The following CHRM3 variants were observed in gnomAD, a reference collection of about 807,000 sequenced individuals.
CHRM3 encodes the protein cholinergic receptor muscarinic 3, also known as muscarinic acetylcholine receptor M3.
CHRM3 carries 11 observed loss-of-function variants against 41.8 expected under a neutral mutation model. The ratio of observed to expected loss-of-function variants is 0.26; its 90% CI spans 0.17 to 0.44. The LOEUF (loss-of-function observed/expected upper bound fraction) is 0.44. CHRM3 is among the 20% of genes least tolerant of loss of function. CHRM3 has a pLI of 1.00. For synonymous variants in CHRM3, 297 were observed against 301.4 expected, an observed-to-expected ratio of 0.99 and a Z score of 0.15; for missense variants, 571 against 745.4, an observed-to-expected ratio of 0.77 and a Z score of 2.72.
chr1:239,796,168 A>G (rs1669749798), intron 5 of CHRM3, among the ~76,000 whole-genome samples: 1 of 152,168 alleles, frequency 6.6e-6, no homozygotes, highest in Non-Finnish European at 1.5e-5. Context: ...TTCCTAGAAG[A>G]GCATCCAAGG....
At chr1:239,782,230 T>A (rs1183537464) in intron 5 of CHRM3, among the ~76,000 whole-genome samples, 4 of 83,500 alleles carry the variant, frequency 4.8e-5, no homozygotes, top group Non-Finnish European at 1.0e-4. Flanking sequence ...AGTGAACCCA[T>A]CTGGGACTAG....
In CHRM3 at chr1:239,639,352, G is replaced by A. The variant is rs544712973; in HGVS notation, c.-250+7066G>A. 2.5e-3 allele frequency among the ~76,000 whole-genome samples: 384 copies of A among 152,280 alleles called. 1 individual carries two copies. The highest frequency in any genetic ancestry group is 8.8e-3 in the African/African-American group (367 of 41,554). On this transcript the variant is annotated intron_variant, in intron 4 of 6. Coordinates refer to ENST00000676153, the MANE Select transcript of CHRM3 (RefSeq NM_001375978.1). Reference sequence around the variant, plus strand: ...GGCATTGAATCTATAAATTACCTTGGACAGTATGGCCATTTTTACGATATT... The same window carrying A: ...GGCATTGAATCTATAAATTACCTTGAACAGTATGGCCATTTTTACGATATT...
At chr1:239,676,658 A>G (rs945629405) in intron 4 of CHRM3, among the ~76,000 whole-genome samples, 8 of 151,998 alleles carry the variant, frequency 5.3e-5, no homozygotes, top group Non-Finnish European at 1.2e-4. Flanking sequence ...TTTAGCCACT[A>G]CTCCAAGGCT....
At chr1:239,713,554 T>C (rs1455666064) in intron 5 of CHRM3, among the ~76,000 whole-genome samples, 4 of 152,204 alleles carry the variant, frequency 2.6e-5, no homozygotes, top group Non-Finnish European at 5.9e-5. Flanking sequence ...GATGCATTGC[T>C]TCTTCTACAA....
At chr1:239,905,048 G>T (rs1463423803) in intron 6 of CHRM3, among the ~76,000 whole-genome samples, 2 of 152,126 alleles carry the variant, frequency 1.3e-5, no homozygotes, top group East Asian at 3.9e-4. Flanking sequence ...GCAACCCCAA[G>T]ACCATGAAAA....
intron 1 of CHRM3, among the ~76,000 whole-genome samples, chr1:239,455,926 A>G (rs570128509): frequency 1.6e-4 from 25 of 152,328 alleles, no homozygotes; most frequent in African/African-American, 4.3e-4. Context: ...GATGACAAGC[A>G]TTGACAAGGA....
At chr1:239,838,228 A>T (rs1250394283) in intron 6 of CHRM3, among the ~76,000 whole-genome samples, 1 of 152,144 alleles carries the variant, frequency 6.6e-6, no homozygotes, top group African/African-American at 2.4e-5. Flanking sequence ...AAAATATGGG[A>T]TGTAAGTTGG....
At chr1:239,606,012 T>C (rs1666201198) in intron 3 of CHRM3, 1 of 152,182 alleles carries the variant, frequency 6.6e-6, no homozygotes, top group Non-Finnish European at 1.5e-5. Flanking sequence ...CAGTGTACAG[T>C]GTACTTGACC....
chr1:239,903,153 G>T (rs2103024653), intron 6 of CHRM3, among the ~76,000 whole-genome samples: 1 of 152,068 alleles, frequency 6.6e-6, no homozygotes, highest in East Asian at 1.9e-4. Context: ...AAGCATAATT[G>T]GACTAGAATA....
intron 5 of CHRM3, among the ~76,000 whole-genome samples, chr1:239,759,115 A>G (rs1666479887): frequency 6.6e-6 from 1 of 151,814 alleles, no homozygotes; most frequent in African/African-American, 2.4e-5. Context: ...CAGGCATGAA[A>G]ACCAATCAGA....
At chr1:239,675,858 C>G (rs572430103) in intron 4 of CHRM3, among the ~76,000 whole-genome samples, 1 of 152,060 alleles carries the variant, frequency 6.6e-6, no homozygotes, top group South Asian at 2.1e-4. Context: ...TAAAAGAAAA[C>G]ATGGGAGGGA....
intron 4 of CHRM3, 84 bp from the exon 5 acceptor site, chr1:239,678,102 A>T (rs150598461): frequency 6.6e-6 from 1 of 152,236 alleles, no homozygotes; most frequent in Non-Finnish European, 1.5e-5. Context: ...TTAATATTCC[A>T]TCTCACAATT....
chr1:239,905,803 A>G (rs1012527010), intron 6 of CHRM3, among the ~76,000 whole-genome samples: 1 of 152,148 alleles, frequency 6.6e-6, no homozygotes, highest in Non-Finnish European at 1.5e-5. Flanking sequence ...TTATTATTGC[A>G]CTAAATTTAG....
chr1:239,399,561 C>T (rs980373348), intron 1 of CHRM3, among the ~76,000 whole-genome samples: 26 of 152,122 alleles, frequency 1.7e-4, no homozygotes, highest in Non-Finnish European at 1.2e-4. Flanking sequence ...ATAAGTTCCA[C>T]TTTTTGGGAT....
At chr1:239,579,177 C>T (rs760009326) in intron 3 of CHRM3, among the ~76,000 whole-genome samples, 5 of 152,136 alleles carry the variant, frequency 3.3e-5, no homozygotes, top group Non-Finnish European at 5.9e-5. Flanking sequence ...TTCTTTGCCC[C>T]TGGTTTTCTT....
rs1197098994 is a variant in CHRM3, at chr1:239,743,856, G to A, written c.-147+65568G>A. 7.6e-5 allele frequency among the ~76,000 whole-genome samples: 10 copies of A among 131,910 alleles called. 1 individual carries two copies. Among genetic ancestry groups the A allele is most frequent in the Admixed American group, 2.6e-4 (3 of 11,730 alleles). The allele number at this position is 131,910 out of a possible 152,430, so 86.5% of individuals were successfully genotyped here. On this transcript the variant is annotated intron_variant, in intron 5 of 6. Transcript: ENST00000676153. ...CACCCAGACTAGAGTGCAGCAGTGCGATCATAGCTCACTGCAGCCTTGAAC... is the reference window on the plus strand; with the variant it reads ...CACCCAGACTAGAGTGCAGCAGTGCAATCATAGCTCACTGCAGCCTTGAAC...
At chr1:239,901,490 T>C (rs1245730702) in intron 6 of CHRM3, among the ~76,000 whole-genome samples, 1 of 152,196 alleles carries the variant, frequency 6.6e-6, no homozygotes, top group African/African-American at 2.4e-5. Flanking sequence ...ATTTTAATTA[T>C]ATTAATATAC....
At chr1:239,757,186 G>A (rs372226861) in intron 5 of CHRM3, among the ~76,000 whole-genome samples, 1 of 152,068 alleles carries the variant, frequency 6.6e-6, no homozygotes, top group African/African-American at 2.4e-5. Context: ...TCCTTCATCC[G>A]TGAAATAGTT....
intron 6 of CHRM3, among the ~76,000 whole-genome samples, chr1:239,842,032 G>A (rs1334919080): frequency 6.6e-6 from 1 of 152,178 alleles, no homozygotes; most frequent in Non-Finnish European, 1.5e-5. Flanking sequence ...GCATGATACT[G>A]AAATGGGCTG....
Sources: allele counts gnomAD v4.1 joint callset (sites outside exome capture counted in the v4.1 genomes callset), GRCh38; gene constraint gnomAD v4.1.1; transcripts MANE v1.5; gene names NCBI Gene and HGNC (gene_info 2026-07-23, HGNC 2026-07-21).